Variants in BEGAIN observed in about 807,000 individuals in gnomAD.
BEGAIN encodes the protein brain-enriched guanylate kinase-associated protein.
Under a neutral mutation model 35.8 loss-of-function variants are expected in BEGAIN, and 19 were observed. The observed-to-expected ratio is 0.53, with a 90% CI of 0.37 to 0.78. The LOEUF (loss-of-function observed/expected upper bound fraction) is 0.78. BEGAIN is among the 30% of genes least tolerant of loss of function. BEGAIN has a pLI of 0.00. For synonymous variants in BEGAIN, 462 were observed against 388.6 expected (o/e 1.19, Z -2.22); for missense variants, 795 against 853.6 (o/e 0.93, Z 0.85).
At chr14:100,559,583 C>T (rs1221263076) in intron 2 of BEGAIN, among the ~76,000 whole-genome samples, 2 of 152,238 alleles carry the variant, frequency 1.3e-5, no homozygotes, top group African/African-American at 2.4e-5. Flanking sequence ...GCTAATTTGA[C>T]CACCCCACCA....
Position 100,568,075 on chromosome 14 carries a change from C to A in BEGAIN, c.43-136G>T. The A allele has an allele frequency of 9.2e-7, 1 of 1,083,190 alleles. No homozygotes were observed. Among genetic ancestry groups the A allele is most frequent in the Non-Finnish European group, 1.1e-6 (1 of 894,172 alleles). The allele number at this position is 1,083,190 out of a possible 1,614,324, so 67.1% of individuals were successfully genotyped here. A position where few individuals can be genotyped will look rare whatever the true frequency, so the allele number is the denominator to read the frequency against. On this transcript the variant is annotated intron_variant, in intron 1 of 6. Transcript: ENST00000554140. The surrounding 1 kb of genome is among the most constrained non-coding windows in gnomAD (Gnocchi z 7.5). ...CCGTGGGAAGCCCGGCGCCGCGCGT[C>A]CCCAGCTTCCAGTCCCGGCCGCGGC...
At chr14:100,555,595 A>G (rs2033641459) in intron 2 of BEGAIN, among the ~76,000 whole-genome samples, 1 of 152,256 alleles carries the variant, frequency 6.6e-6, no homozygotes, top group African/African-American at 2.4e-5. Context: ...CTCAAGGAAC[A>G]GGGCCTGTCT....
intron 5 of BEGAIN, among the ~76,000 whole-genome samples, chr14:100,542,522 T>TC (rs1181736363): frequency 6.6e-6 from 1 of 151,896 alleles, no homozygotes; most frequent in Non-Finnish European, 1.5e-5. Flanking sequence ...CTCCAAGGGG[T>TC]CCTGTGCATC....
chr14:100,587,264 GC>G lies in BEGAIN; in HGVS notation c.26del (p.Gly9AlafsTer103). The G allele has an allele frequency of 1.1e-5, 2 of 189,926 alleles. No homozygotes were observed. The highest frequency in any genetic ancestry group is 2.2e-5 in the Non-Finnish European group (2 of 92,372). The allele number at this position is 189,926 out of a possible 1,614,324, so 11.8% of individuals were successfully genotyped here. On this transcript the variant is annotated frameshift_variant, in exon 1 of 7. Coordinates refer to ENST00000554140, the MANE Select transcript of BEGAIN (RefSeq NM_001385089.1). LOFTEE classifies it high-confidence loss of function. MWTGGRRP[G>X]RLRRAASAAD... ...AGGTACTCACCGCCCGGCGCAGCCG[GC>G]CCGGCCGGCGACCGCCAGTCCACAT...
chr14:100,566,263 C>T (rs557068284), intron 2 of BEGAIN, among the ~76,000 whole-genome samples: 21 of 152,356 alleles, frequency 1.4e-4, no homozygotes, highest in East Asian at 5.8e-4. Context: ...GCAACGCTGA[C>T]GCCATCAGCA....
intron 2 of BEGAIN, among the ~76,000 whole-genome samples, chr14:100,564,124 G>A (rs1458488855): frequency 6.6e-6 from 1 of 151,368 alleles, no homozygotes; most frequent in Non-Finnish European, 1.5e-5. Flanking sequence ...GCCGGGAGCA[G>A]GATGGGGCTG....
In BEGAIN at chr14:100,563,513, C is replaced by T. The variant is rs1481979988; in HGVS notation, c.71+4398G>A. ...TAACTGACAGTGTGAAGAGCTCCCA[C>T]AAATCAATGGGAAAAACACCTTGGT... On this transcript the variant is annotated intron_variant, in intron 2 of 6. Transcript: ENST00000554140. This position sits in a 1 kb window ranked among gnomAD's most constrained non-coding sequence, Gnocchi z 4.2. Among the ~76,000 whole-genome samples, 1 of 152,226 alleles carries T rather than the reference C, an allele frequency of 6.6e-6. No homozygotes were observed. Among genetic ancestry groups the T allele is most frequent in the Non-Finnish European group, 1.5e-5 (1 of 68,046 alleles).
At chr14:100,555,393 C>T (rs1020180300) in intron 2 of BEGAIN, among the ~76,000 whole-genome samples, 37 of 152,256 alleles carry the variant, frequency 2.4e-4, no homozygotes, top group African/African-American at 8.4e-4. Flanking sequence ...TCTGTCCCCT[C>T]CAACTTGCTC....
intron 2 of BEGAIN, among the ~76,000 whole-genome samples, chr14:100,559,987 C>T (rs920062956): frequency 6.6e-6 from 1 of 152,220 alleles, no homozygotes; most frequent in African/African-American, 2.4e-5. Context: ...GCTCCCTAAG[C>T]CTCCCTTTAG....
intron 2 of BEGAIN, among the ~76,000 whole-genome samples, chr14:100,560,038 G>C (rs974826368): frequency 7.9e-5 from 12 of 152,228 alleles, no homozygotes; most frequent in African/African-American, 2.9e-4. Flanking sequence ...AGCCGCGGGG[G>C]GCTGAGAGGG....
In BEGAIN at chr14:100,573,911, T is replaced by G. The variant is rs531712943; in HGVS notation, c.43-5972A>C. Among the ~76,000 whole-genome samples the G allele has an allele frequency of 1.4e-5, 2 of 143,598 alleles. No individual in the cohort carries two copies. Among genetic ancestry groups the G allele is most frequent in the East Asian group, 2.1e-4 (1 of 4,700 alleles). The allele number at this position is 143,598 out of a possible 152,430, so 94.2% of individuals were successfully genotyped here. Reference sequence around the variant, plus strand: ...TCTGCCACTGTTGGGGATCAGGAGGTGAGCAGGACCGGCCAAGGAGACTGG... The same window carrying G: ...TCTGCCACTGTTGGGGATCAGGAGGGGAGCAGGACCGGCCAAGGAGACTGG... On this transcript the variant is annotated intron_variant, in intron 1 of 6. Coordinates refer to ENST00000554140, the MANE Select transcript of BEGAIN (RefSeq NM_001385089.1). The surrounding 1 kb of genome is among the most constrained non-coding windows in gnomAD (Gnocchi z 4.2).
intron 1 of BEGAIN, among the ~76,000 whole-genome samples, chr14:100,571,284 C>T (rs28562093): frequency 0.049 from 7,395 of 152,276 alleles, 619 homozygotes; most frequent in African/African-American, 0.17. Context: ...CTCCTCACTC[C>T]CACCTGTGGC....
intron 2 of BEGAIN, among the ~76,000 whole-genome samples, chr14:100,556,969 G>T (rs2033786232): frequency 6.6e-6 from 1 of 152,230 alleles, no homozygotes; most frequent in Middle Eastern, 3.2e-3. Flanking sequence ...TAGAGGAAGA[G>T]CCCAGGCCCT....
chr14:100,568,252 A>G lies in BEGAIN; in HGVS notation c.43-313T>C. On this transcript the variant is annotated intron_variant, in intron 1 of 6. Transcript: ENST00000554140. The surrounding 1 kb of genome is among the most constrained non-coding windows in gnomAD (Gnocchi z 7.5). ...CAGGGGCGATCTCGGCCTCGCCCGG[A>G]GGAGGGGGACTCGGCCTGTCCCCGT... 1.6e-6 allele frequency: 1 copy of G among 619,844 alleles called. No individual in the cohort carries two copies. Among genetic ancestry groups the G allele is most frequent in the South Asian group, 2.1e-5 (1 of 48,450 alleles). 38.4% of individuals were successfully genotyped at this position (619,844 alleles called of 1,614,324 possible).
chr14:100,571,615 G>A (rs1383097364), intron 1 of BEGAIN, among the ~76,000 whole-genome samples: 1 of 152,228 alleles, frequency 6.6e-6, no homozygotes, highest in East Asian at 1.9e-4. Context: ...CCCGGGCACA[G>A]AGACTGGCAC....
At chr14:100,576,839 G>T (rs543259248) in intron 1 of BEGAIN, among the ~76,000 whole-genome samples, 1 of 152,198 alleles carries the variant, frequency 6.6e-6, no homozygotes, top group Non-Finnish European at 1.5e-5. Flanking sequence ...ATGTGTGGAC[G>T]GGGTACGAGG....
At chr14:100,570,784 T>G (rs2139738845) in intron 1 of BEGAIN, among the ~76,000 whole-genome samples, 1 of 152,190 alleles carries the variant, frequency 6.6e-6, no homozygotes, top group Non-Finnish European at 1.5e-5. Flanking sequence ...GTGCAAGTTT[T>G]GATTCAGCCA....
rs746464797 is a variant in BEGAIN, at chr14:100,545,047, C to G, written c.253G>C (p.Ala85Pro). ...KLRRIQSNYM[A>P]LQRINQELED... ...AGCTCCTGGTTGATCCTCTGCAGTG[C>G]CATGTAGTTGCTCTGAATCCTGGTG... Residue 85 changes from alanine (A) to proline (P), a missense_variant, in exon 4 of 7, where the codon GCA becomes CCA. Coordinates refer to ENST00000554140, the MANE Select transcript of BEGAIN (RefSeq NM_001385089.1). 6.2e-7 allele frequency: 1 copy of G among 1,613,430 alleles called. No individual in the cohort carries two copies. The highest frequency in any genetic ancestry group is 1.1e-5 in the South Asian group (1 of 91,082).
intron 2 of BEGAIN, among the ~76,000 whole-genome samples, chr14:100,553,301 C>T (rs915578363): frequency 3.3e-5 from 5 of 152,062 alleles, no homozygotes; most frequent in African/African-American, 4.8e-5. Flanking sequence ...CCACAATTGC[C>T]GCCATCCTAC....
Sources: gnomAD v4.1 joint callset for allele counts (sites outside exome capture counted in the v4.1 genomes callset) on GRCh38, gnomAD v4.1.1 for gene constraint, Gnocchi (gnomAD v3.1) non-coding constraint, MANE v1.5 for transcripts, NCBI Gene and HGNC (gene_info 2026-07-23, HGNC 2026-07-21) for gene names.